The following TUBA3D variants were observed in gnomAD, a reference collection of about 807,000 sequenced individuals.
The protein encoded by TUBA3D is tubulin alpha-3D chain.
In TUBA3D, 24 loss-of-function variants were observed where a neutral mutation model predicts 36.1. The ratio of observed to expected loss-of-function variants is 0.66; its 90% CI spans 0.48 to 0.93. The LOEUF (loss-of-function observed/expected upper bound fraction) is 0.93, where lower values mean the gene tolerates loss of function less well. Ranked by LOEUF, TUBA3D falls within the 40% of genes least tolerant of loss-of-function variation. The pLI is 0.00. For missense variants in TUBA3D, 356 were observed against 614.5 expected (o/e 0.58, Z 4.45); for synonymous variants, 185 against 247.2 (o/e 0.75, Z 2.36).
chr2:131,478,043 C>T (rs1573857628), intron 1 of TUBA3D, 121 bp from the exon 2 acceptor site: 6 of 1,359,506 alleles, frequency 4.4e-6, no homozygotes, highest in South Asian at 3.0e-5. Flanking sequence ...TAGGAAATAT[C>T]GATTGTGAAA....
Position 131,480,750 on chromosome 2 carries a change from G to A in TUBA3D, c.1056+1G>A, listed in dbSNP as rs772787251. The A allele has an allele frequency of 2.5e-6, 4 of 1,607,592 alleles. No homozygotes were observed. The Admixed American group carries it at 6.7e-5, about 27-fold the overall frequency. On this transcript the variant is annotated splice_donor_variant, in intron 4 of 4. Transcript: ENST00000321253. LOFTEE classifies it high-confidence loss of function. ...GGATTGGTGCCCGACTGGATTTAAG[G>A]TATGACTGGGTGATGTGGAGGCCTT...
At chr2:131,477,037 CT>C (rs1229461335) in intron 1 of TUBA3D, among the ~76,000 whole-genome samples, 190 of 108,366 alleles carry the variant, frequency 1.8e-3, no homozygotes, top group Non-Finnish European at 1.3e-3. Context: ...CTTTTTCTTT[CT>C]TTTTTTTTTT....
In TUBA3D at chr2:131,476,239, G is replaced by A. The variant is rs771483701; in HGVS notation, c.3+37G>A. 27 of 1,613,714 alleles carry A rather than the reference G, an allele frequency of 1.7e-5. No individual in the cohort carries two copies. In the Admixed American group the frequency reaches 1.8e-4, roughly 11 times the overall value. On this transcript the variant is annotated intron_variant, in intron 1 of 4. Coordinates refer to ENST00000321253, the MANE Select transcript of TUBA3D (RefSeq NM_080386.4). ...GTCACTCCCGCCCCGCAGATGCCCA[G>A]GCAGACGAAGTTGGCCTCGGGTGGA...
chr2:131,480,654 G>A lies in TUBA3D; in HGVS notation c.961G>A (p.Gly321Arg). Reference sequence around the variant, plus strand: ...CATGGCCTGCTGCATGTTGTACAGGGGGGACGTGGTCCCCAAAGACGTCAA... The same window carrying A: ...CATGGCCTGCTGCATGTTGTACAGGAGGGACGTGGTCCCCAAAGACGTCAA... ...KYMACCMLYR[G>R]DVVPKDVNAA... The change falls in exon 4 of 5, where the codon GGG becomes AGG. Residue 321 changes from glycine (G) to arginine (R), a missense_variant. Physicochemically the swap from Gly to Arg is moderately radical, Grantham distance 125 (BLOSUM62 -2). Transcript: ENST00000321253. 2 of 1,613,786 alleles carry A rather than the reference G, an allele frequency of 1.2e-6. No individual in the cohort carries two copies. Among genetic ancestry groups the A allele is most frequent in the Non-Finnish European group, 1.7e-6 (2 of 1,180,022 alleles).
intron 4 of TUBA3D, among the ~76,000 whole-genome samples, chr2:131,480,996 C>T (rs1406404544): frequency 9.9e-5 from 15 of 152,120 alleles, no homozygotes; most frequent in Non-Finnish European, 1.5e-5. Flanking sequence ...CTCTGCCTCC[C>T]GGGTTCAAAC....
Position 131,482,870 on chromosome 2 carries a change from C to T in TUBA3D, c.*22C>T, listed in dbSNP as rs115260381. On this transcript the variant is annotated 3_prime_UTR_variant, in exon 5 of 5. Transcript: ENST00000321253. ...CTGAGGGGAGGGTGTGGTGGGTTCT[C>T]CCCTGCCACCCCCGGGATGGCTGCT... 1.8e-4 allele frequency: 287 copies of T among 1,601,784 alleles called. 1 individual carries two copies. The African/African-American group carries it at 3.7e-3, about 21-fold the overall frequency.
At position 131,480,075 on chromosome 2, in the gene TUBA3D, C is replaced by A. The variant is rs760824199; in HGVS notation, c.382C>A (p.Leu128Met). Residue 128 changes from leucine to methionine, a missense_variant, in exon 4 of 5, where the codon CTG becomes ATG. Transcript: ENST00000321253. ...VLDRIRKLAD[L>M]CTGLQGFLIF... ...GTTGTGTGGTTTCTCTCAGGCGGAT[C>A]TGTGCACAGGACTGCAGGGCTTCCT... 1.3e-6 allele frequency: 2 copies of A among 1,586,276 alleles called. No homozygotes were observed. Among genetic ancestry groups the A allele is most frequent in the Non-Finnish European group, 1.7e-6 (2 of 1,165,866 alleles).
Position 131,478,215 on chromosome 2 carries a change from G to A in TUBA3D, c.55G>A (p.Ala19Thr), listed in dbSNP as rs754071611. Residue 19 changes from alanine (A) to threonine (T), a missense_variant, in exon 2 of 5, where the codon GCC becomes ACC. Ala to Thr is a moderately conservative substitution (Grantham distance 58). This residue lies in a region of TUBA3D where 109 missense variants were observed against 153.7 expected (regional missense o/e 0.71). Transcript: ENST00000321253. Reference sequence around the variant, plus strand: ...GCAGGCGGGTGTCCAGATCGGCAATGCCTGCTGGGAACTGTACTGCCTTGA... The same window carrying A: ...GCAGGCGGGTGTCCAGATCGGCAATACCTGCTGGGAACTGTACTGCCTTGA... ...VGQAGVQIGN[A>T]CWELYCLEHG... 6.2e-7 allele frequency: 1 copy of A among 1,614,132 alleles called. No homozygotes were observed.
rs780683343 is a variant in TUBA3D at position 131,480,737 on chromosome 2, G to A, written c.1044G>A (p.Pro348=). 2.5e-6 allele frequency: 4 copies of A among 1,611,156 alleles called. No individual in the cohort carries two copies. The highest frequency in any genetic ancestry group is 2.2e-5 in the East Asian group (1 of 44,830). The change falls in exon 4 of 5, where the codon CCG becomes CCA. Residue 348 remains proline, a synonymous_variant. Transcript: ENST00000321253. The part of the protein sequence containing the change: ...KRTIQFVDWC[P]TGFKVGINYQ... ...CCATCCAGTTTGTGGATTGGTGCCC[G>A]ACTGGATTTAAGGTATGACTGGGTG... is the stretch of plus-strand genomic sequence containing the variant.
intron 2 of TUBA3D, 114 bp downstream of exon 2, chr2:131,478,500 A>T (rs1179184275): frequency 1.5e-6 from 2 of 1,366,022 alleles, no homozygotes; most frequent in African/African-American, 2.9e-5. Flanking sequence ...AGACAGGCAT[A>T]TGCCCATGGC....
At chr2:131,481,777 A>C (rs1196084703) in intron 4 of TUBA3D, among the ~76,000 whole-genome samples, 5 of 152,184 alleles carry the variant, frequency 3.3e-5, no homozygotes, top group Non-Finnish European at 7.4e-5. Flanking sequence ...CATGTTGGCC[A>C]GGCTGGTCTC....
chr2:131,482,681 G>A lies in TUBA3D; in HGVS notation c.1186G>A (p.Asp396Asn), dbSNP rs756867847. Residue 396 changes from aspartate to asparagine, a missense_variant, in exon 5 of 5, where the codon GAT becomes AAT. Asp to Asn is a conservative substitution (Grantham distance 23). This residue lies in a region of TUBA3D where 156 missense variants were observed against 219.8 expected (regional missense o/e 0.71). Coordinates refer to ENST00000321253, the MANE Select transcript of TUBA3D (RefSeq NM_080386.4). The part of the protein sequence containing the change: ...EAWARLDHKF[D>N]LMYAKRAFVH... The stretch of plus-strand genomic sequence containing the variant: ...CTGGGCCCGCCTGGACCATAAGTTC[G>A]ATCTCATGTATGCCAAGCGGGCCTT... 6.2e-6 allele frequency: 10 copies of A among 1,614,200 alleles called. No homozygotes were observed. The highest frequency in any genetic ancestry group is 1.6e-4 in the Middle Eastern group (1 of 6,062).
At chr2:131,476,979 TC>T (rs1198946331) in intron 1 of TUBA3D, among the ~76,000 whole-genome samples, 1 of 144,444 alleles carries the variant, frequency 6.9e-6, no homozygotes, top group African/African-American at 2.8e-5. Context: ...GATTCCCAAG[TC>T]CCAAGTCTGA....
At chr2:131,482,428 T>C in intron 4 of TUBA3D, 124 bp from the exon 5 acceptor site, 5 of 1,417,190 alleles carry the variant, frequency 3.5e-6, no homozygotes, top group Non-Finnish European at 4.7e-6. Flanking sequence ...CTTAGTGACG[T>C]TTGTGAGGTG....
Position 131,480,291 on chromosome 2 carries a change from T to C in TUBA3D, c.598T>C (p.Cys200Arg), listed in dbSNP as rs781421168. The change falls in exon 4 of 5, where the codon TGT becomes CGT. Residue 200 changes from cysteine to arginine, a missense_variant. Transcript: ENST00000321253. Reference protein sequence around the residue: ...TTHTTLEHSDCAFMVDNEAIY... With the variant: ...TTHTTLEHSDRAFMVDNEAIY... The stretch of plus-strand genomic sequence containing the variant: ...CCACACGACCCTGGAACATTCTGAC[T>C]GTGCCTTCATGGTCGACAATGAAGC... 118 of 1,613,590 alleles carry C rather than the reference T, an allele frequency of 7.3e-5. No individual in the cohort carries two copies. The highest frequency in any genetic ancestry group is 9.7e-5 in the Non-Finnish European group (114 of 1,180,036).
Position 131,480,594 on chromosome 2 carries a change from C to G in TUBA3D, c.901C>G (p.Gln301Glu). 1 of 1,611,968 alleles carries G rather than the reference C, an allele frequency of 6.2e-7. No individual in the cohort carries two copies. Among genetic ancestry groups the G allele is most frequent in the Non-Finnish European group, 8.5e-7 (1 of 1,179,942 alleles). Residue 301 changes from glutamine (Q) to glutamate (E), a missense_variant, in exon 4 of 5, where the codon CAA becomes GAA. Gln to Glu is a conservative substitution (Grantham distance 29, BLOSUM62 2). Coordinates refer to ENST00000321253, the MANE Select transcript of TUBA3D (RefSeq NM_080386.4). ...ITNACFEPAN[Q>E]MVKCDPRHGK... ...CAATGCCTGCTTCGAGCCAGCCAAT[C>G]AAATGGTCAAGTGTGACCCTCGCCA...
chr2:131,480,934 T>C (rs2104726363), intron 4 of TUBA3D, among the ~76,000 whole-genome samples, 185 bp downstream of exon 4: 1 of 152,178 alleles, frequency 6.6e-6, no homozygotes, highest in African/African-American at 2.4e-5. Flanking sequence ...GAGACAGTCT[T>C]GCTCTGTCAA....
At chr2:131,480,013 G>T in intron 3 of TUBA3D, 56 bp from the exon 4 acceptor site, 1 of 1,523,500 alleles carries the variant, frequency 6.6e-7, no homozygotes. Flanking sequence ...TGGCTTGTTG[G>T]AGGTTGGTGG....
At chr2:131,477,524 A>C (rs1031004242) in intron 1 of TUBA3D, among the ~76,000 whole-genome samples, 2 of 151,116 alleles carry the variant, frequency 1.3e-5, no homozygotes, top group African/African-American at 4.9e-5. Flanking sequence ...ACAGCAGTTG[A>C]GCAGGAAGGG....
Sources: allele counts gnomAD v4.1 joint callset (sites outside exome capture counted in the v4.1 genomes callset), GRCh38; gene constraint gnomAD v4.1.1; regional missense constraint gnomAD v4.1.1; transcripts MANE v1.5; gene names NCBI Gene and HGNC (gene_info 2026-07-23, HGNC 2026-07-21).